CHSY1: variants seen among roughly 807,000 people sequenced by gnomAD.
CHSY1 encodes N-acetylgalactosaminyl-proteoglycan 3-beta-glucuronosyltransferase 1.
Under a neutral mutation model 59.8 loss-of-function variants are expected in CHSY1, and 13 were observed. The ratio of observed to expected loss-of-function variants is 0.22; its 90% CI spans 0.14 to 0.35. CHSY1 has a LOEUF of 0.35. Among genes scored for constraint, CHSY1 ranks in the 10% least tolerant of loss-of-function variants. The pLI is 1.00. For missense variants in CHSY1, 947 were observed against 1,030.6 expected (o/e 0.92, Z 1.11); for synonymous variants, 459 against 401.2 (o/e 1.14, Z -1.72).
rs753000364 is a variant in CHSY1 at position 101,178,493 on chromosome 15, C to G, written c.1304G>C (p.Gly435Ala). 15 of 1,614,240 alleles carry G rather than the reference C, an allele frequency of 9.3e-6. No individual in the cohort carries two copies. Among genetic ancestry groups the G allele is most frequent in the East Asian group, 2.2e-5 (1 of 44,886 alleles). The change falls in exon 3 of 3, where the codon GGC (glycine) becomes GCC (alanine). Residue 435 changes from glycine (G) to alanine (A), a missense_variant. Around this residue, in one of 4 missense-constraint regions of CHSY1, gnomAD observed 602 missense variants for 676.9 expected, o/e 0.89. Transcript: ENST00000254190. ...ATACATGGGGTTCACCCGGCGGTAG[C>G]CGTACTGGATCTCTTTGAAGTCAAT... ...RIIDFKEIQY[G>A]YRRVNPMYGA...
At chr15:101,230,041 A>C (rs967009071) in intron 2 of CHSY1, among the ~76,000 whole-genome samples, 1 of 150,838 alleles carries the variant, frequency 6.6e-6, no homozygotes, top group Non-Finnish European at 1.5e-5. Context: ...CCCCAGGTTC[A>C]AGTGATTCTC....
At position 101,176,791 on chromosome 15, in the gene CHSY1, G is replaced by C. The variant is rs1194662560; in HGVS notation, c.*597C>G. ...AGCCTGGGTAACAGAGTGAGACTCC[G>C]TCTCAAAAAAAGAACAAAACAAAAC... is the stretch of plus-strand genomic sequence containing the variant. On this transcript the variant is annotated 3_prime_UTR_variant, in exon 3 of 3. Coordinates refer to ENST00000254190, the MANE Select transcript of CHSY1 (RefSeq NM_014918.5). The C allele has an allele frequency of 5.6e-6, 1 of 178,604 alleles. No homozygotes were observed. The highest frequency in any genetic ancestry group is 1.2e-5 in the Non-Finnish European group (1 of 86,372). 11.1% of individuals were successfully genotyped at this position (178,604 alleles called of 1,614,324 possible).
chr15:101,247,483 A>C (rs2039063370), intron 1 of CHSY1, among the ~76,000 whole-genome samples: 7 of 152,138 alleles, frequency 4.6e-5, no homozygotes, highest in Admixed American at 4.6e-4. Flanking sequence ...ACTAAAGAAC[A>C]TGACAGCAAG....
At chr15:101,236,917 G>C (rs1596453310) in intron 1 of CHSY1, among the ~76,000 whole-genome samples, 1 of 151,856 alleles carries the variant, frequency 6.6e-6, no homozygotes, top group Non-Finnish European at 1.5e-5. Flanking sequence ...TGTGAGAACA[G>C]ACTAATATAG....
chr15:101,181,037 C>T (rs1213899180), intron 2 of CHSY1, among the ~76,000 whole-genome samples: 1 of 152,240 alleles, frequency 6.6e-6, no homozygotes, highest in African/African-American at 2.4e-5. Flanking sequence ...CCTGTTGGGG[C>T]ACTCGGAGGC....
At chr15:101,233,575 G>A (rs1015872768) in intron 2 of CHSY1, among the ~76,000 whole-genome samples, 3 of 152,118 alleles carry the variant, frequency 2.0e-5, no homozygotes, top group Non-Finnish European at 4.4e-5. Context: ...AGCTTTCCTC[G>A]CTGCAAAAAT....
At chr15:101,232,100 C>A (rs1306656965) in intron 2 of CHSY1, among the ~76,000 whole-genome samples, 1 of 152,188 alleles carries the variant, frequency 6.6e-6, no homozygotes, top group Admixed American at 6.5e-5. Context: ...GACAGTTGTT[C>A]CTCACAAGTC....
At chr15:101,243,558 C>T (rs1479129588) in intron 1 of CHSY1, among the ~76,000 whole-genome samples, 1 of 152,198 alleles carries the variant, frequency 6.6e-6, no homozygotes, top group Non-Finnish European at 1.5e-5. Context: ...CTTTCCATCC[C>T]ACACACGCGC....
At chr15:101,209,250 T>G in intron 2 of CHSY1, among the ~76,000 whole-genome samples, 1 of 152,212 alleles carries the variant, frequency 6.6e-6, no homozygotes, top group East Asian at 1.9e-4. Flanking sequence ...ATCTGCACAC[T>G]TGAACCTAAT....
At chr15:101,212,532 G>A (rs1200494630) in intron 2 of CHSY1, among the ~76,000 whole-genome samples, 1 of 152,222 alleles carries the variant, frequency 6.6e-6, no homozygotes, top group Non-Finnish European at 1.5e-5. Flanking sequence ...CCACACGTAT[G>A]ATTCCATTTA....
intron 2 of CHSY1, among the ~76,000 whole-genome samples, chr15:101,221,752 C>T (rs1053457945): frequency 2.0e-5 from 3 of 152,140 alleles, no homozygotes; most frequent in African/African-American, 7.2e-5. Context: ...GGAGACGGCA[C>T]AGACATGTTA....
intron 1 of CHSY1, among the ~76,000 whole-genome samples, chr15:101,236,764 G>A (rs1307639035): frequency 6.6e-6 from 1 of 152,188 alleles, no homozygotes; most frequent in Non-Finnish European, 1.5e-5. Flanking sequence ...GGCGAAGCTT[G>A]CAGCGAGCCG....
intron 2 of CHSY1, among the ~76,000 whole-genome samples, chr15:101,200,468 A>G (rs902563511): frequency 1.3e-5 from 2 of 152,164 alleles, no homozygotes; most frequent in African/African-American, 2.4e-5. Context: ...AAAAGTCACA[A>G]AAGTCTTTTC....
chr15:101,232,834 G>A (rs975670595), intron 2 of CHSY1, among the ~76,000 whole-genome samples: 21 of 152,240 alleles, frequency 1.4e-4, no homozygotes, highest in African/African-American at 4.8e-4. Context: ...TCTGGGCACT[G>A]CAGGTGGGAG....
chr15:101,220,797 C>G (rs2038780836), intron 2 of CHSY1, among the ~76,000 whole-genome samples: 4 of 152,228 alleles, frequency 2.6e-5, no homozygotes, highest in Admixed American at 2.6e-4. Context: ...CAGTCATGGA[C>G]GTAATCACTG....
intron 2 of CHSY1, among the ~76,000 whole-genome samples, chr15:101,227,616 A>G (rs1008673642): frequency 6.6e-6 from 1 of 152,232 alleles, no homozygotes; most frequent in African/African-American, 2.4e-5. Flanking sequence ...GAGTGTGTGC[A>G]TGTTCAGCAA....
intron 1 of CHSY1, among the ~76,000 whole-genome samples, chr15:101,250,732 G>A (rs1276987471): frequency 6.6e-6 from 1 of 152,210 alleles, no homozygotes; most frequent in Non-Finnish European, 1.5e-5. Context: ...CAAGGACAAA[G>A]GTGCACATTT....
At chr15:101,237,614 A>G (rs1213299754) in intron 1 of CHSY1, among the ~76,000 whole-genome samples, 1 of 152,096 alleles carries the variant, frequency 6.6e-6, no homozygotes, top group East Asian at 1.9e-4. Context: ...TGTAAGAGAC[A>G]ACGGTTGCCC....
chr15:101,236,115 C>T (rs1469845519), intron 1 of CHSY1, among the ~76,000 whole-genome samples: 1 of 152,140 alleles, frequency 6.6e-6, no homozygotes, highest in African/African-American at 2.4e-5. Context: ...GAGAAGTACT[C>T]CCAAAGGGCA....
Sources: gnomAD v4.1 joint callset for allele counts (sites outside exome capture counted in the v4.1 genomes callset) on GRCh38, gnomAD v4.1.1 for gene constraint, gnomAD v4.1.1 regional missense constraint, MANE v1.5 for transcripts, NCBI Gene and HGNC (gene_info 2026-07-23, HGNC 2026-07-21) for gene names.